The following LHFPL2 variants were observed in gnomAD, a reference collection of about 807,000 sequenced individuals.
LHFPL2 encodes LHFPL tetraspan subfamily member 2, also known as LHFPL tetraspan subfamily member 2 protein.
In LHFPL2, 7 loss-of-function variants were observed where a neutral mutation model predicts 17.5. The observed-to-expected ratio is 0.40, with a 90% CI of 0.23 to 0.75. LHFPL2 has a LOEUF of 0.75. LHFPL2 is among the 30% of genes least tolerant of loss of function. LHFPL2 has a pLI of 0.37. For synonymous variants in LHFPL2, 134 were observed against 116.2 expected (o/e 1.15, Z -0.99); for missense variants, 241 against 294.8 (o/e 0.82, Z 1.34).
intron 2 of LHFPL2, among the ~76,000 whole-genome samples, chr5:78,623,548 A>C (rs993895899): frequency 6.6e-6 from 1 of 152,262 alleles, no homozygotes; most frequent in African/African-American, 2.4e-5. Flanking sequence ...GTGTGCCTTC[A>C]TCCACAGGCA....
At position 78,539,916 on chromosome 5, in the gene LHFPL2, T is replaced by G. The variant is rs188807350; in HGVS notation, c.-186+24897A>C. Among the ~76,000 whole-genome samples, 329 of 152,130 alleles carry G rather than the reference T, an allele frequency of 2.2e-3. 2 individuals carry two copies. The highest frequency in any genetic ancestry group is 7.4e-3 in the African/African-American group (308 of 41,512). On this transcript the variant is annotated intron_variant, in intron 3 of 4. Coordinates refer to ENST00000380345, the MANE Select transcript of LHFPL2 (RefSeq NM_005779.3). Reference sequence around the variant, plus strand: ...CATTCTGGCCACACAAATCTCTCCCTTCTCTGATCTCCCACTGTGCTTGGT... The same window carrying G: ...CATTCTGGCCACACAAATCTCTCCCGTCTCTGATCTCCCACTGTGCTTGGT...
At chr5:78,604,078 T>C (rs1744124870) in intron 2 of LHFPL2, among the ~76,000 whole-genome samples, 1 of 152,144 alleles carries the variant, frequency 6.6e-6, no homozygotes, top group South Asian at 2.1e-4. Context: ...ATGCAGTTAG[T>C]GCAGATACAT....
At chr5:78,588,496 T>A (rs1344258047) in intron 2 of LHFPL2, among the ~76,000 whole-genome samples, 1 of 152,220 alleles carries the variant, frequency 6.6e-6, no homozygotes. Flanking sequence ...CACCTCCATC[T>A]GGGTACCTTA....
At position 78,485,658 on chromosome 5, in the gene LHFPL2, T is replaced by A. The variant is rs1754213294; in HGVS notation, c.*3239A>T. 1 of 152,628 alleles carries A rather than the reference T, an allele frequency of 6.6e-6. No individual in the cohort carries two copies. The highest frequency in any genetic ancestry group is 2.4e-5 in the African/African-American group (1 of 41,442). 9.5% of individuals were successfully genotyped at this position (152,628 alleles called of 1,614,324 possible). On this transcript the variant is annotated 3_prime_UTR_variant, in exon 5 of 5. Transcript: ENST00000380345. ...AGCTAAGGAGGTGTGAGATTAGCCC[T>A]TAAATACTGGTCTAGCATTAGCATG... is the stretch of plus-strand genomic sequence containing the variant.
chr5:78,596,697 C>T (rs1264898144), intron 2 of LHFPL2, among the ~76,000 whole-genome samples: 1 of 152,132 alleles, frequency 6.6e-6, no homozygotes, highest in African/African-American at 2.4e-5. Context: ...CGCCATGGTC[C>T]CAGAACCCAG....
At chr5:78,525,697 T>C (rs1023790911) in intron 3 of LHFPL2, among the ~76,000 whole-genome samples, 10 of 152,106 alleles carry the variant, frequency 6.6e-5, no homozygotes, top group African/African-American at 2.4e-4. Flanking sequence ...AGGAGAAATA[T>C]CCTGACACAA....
At chr5:78,607,447 C>G (rs561629686) in intron 2 of LHFPL2, among the ~76,000 whole-genome samples, 2 of 152,144 alleles carry the variant, frequency 1.3e-5, no homozygotes, top group African/African-American at 4.8e-5. Flanking sequence ...GTTTGTATTT[C>G]GCCATTCTGA....
At chr5:78,500,062 A>G (rs1196292548) in intron 4 of LHFPL2, among the ~76,000 whole-genome samples, 1 of 152,008 alleles carries the variant, frequency 6.6e-6, no homozygotes, top group Non-Finnish European at 1.5e-5. Flanking sequence ...CTGACGACTT[A>G]GTTTTTGCTC....
rs1754294133 is a variant in LHFPL2 at position 78,487,687 on chromosome 5, TGTAAA to T, written c.*1205_*1209del. 1 of 152,248 alleles carries T rather than the reference TGTAAA, an allele frequency of 6.6e-6. No homozygotes were observed. The highest frequency in any genetic ancestry group is 2.4e-5 in the African/African-American group (1 of 41,468). 9.4% of individuals were successfully genotyped at this position (152,248 alleles called of 1,614,324 possible). A position where few individuals can be genotyped will look rare whatever the true frequency, so the allele number is the denominator to read the frequency against. On this transcript the variant is annotated 3_prime_UTR_variant, in exon 5 of 5. Transcript: ENST00000380345. ...ATTCATAGTGGTATTTGATTCTTTT[TGTAAA>T]CAGGTGTAGGCAGTGCTGTGACCTT...
intron 1 of LHFPL2, among the ~76,000 whole-genome samples, chr5:78,645,546 A>G (rs1229909142): frequency 1.9e-4 from 2 of 10,576 alleles, no homozygotes; most frequent in African/African-American, 8.0e-4. Flanking sequence ...AGATGCATAC[A>G]CACACACACA....
Position 78,510,325 on chromosome 5 carries a change from A to T in LHFPL2, c.-112T>A. ...CGGGAAGGAAGTCGCAGCTGCAGTC[A>T]TTCACTCCCGCCGCCGGCCGCGTTC... On this transcript the variant is annotated 5_prime_UTR_variant, in exon 4 of 5. The change abolishes an upstream ATG in the 5' untranslated region. Coordinates refer to ENST00000380345, the MANE Select transcript of LHFPL2 (RefSeq NM_005779.3). The T allele has an allele frequency of 1.9e-6, 2 of 1,068,176 alleles. No homozygotes were observed. The highest frequency in any genetic ancestry group is 2.7e-6 in the Non-Finnish European group (2 of 753,068). The allele number at this position is 1,068,176 out of a possible 1,614,324, so 66.2% of individuals were successfully genotyped here. A position where few individuals can be genotyped will look rare whatever the true frequency, so the allele number is the denominator to read the frequency against.
chr5:78,523,942 C>T (rs1755538883), intron 3 of LHFPL2, among the ~76,000 whole-genome samples: 1 of 151,836 alleles, frequency 6.6e-6, no homozygotes, highest in Non-Finnish European at 1.5e-5. Context: ...AGGGGCTGGG[C>T]AGGGGGCTGA....
At chr5:78,566,468 A>G (rs1187903628) in intron 2 of LHFPL2, among the ~76,000 whole-genome samples, 1 of 146,114 alleles carries the variant, frequency 6.8e-6, no homozygotes, top group African/African-American at 2.4e-5. Flanking sequence ...GGAAACTAAG[A>G]CTTTTTTTTT....
intron 3 of LHFPL2, among the ~76,000 whole-genome samples, chr5:78,558,511 T>C (rs1209657308): frequency 9.0e-6 from 1 of 111,412 alleles, no homozygotes; most frequent in East Asian, 2.7e-4. Context: ...AACAAAACTA[T>C]ACATTTTTCT....
At chr5:78,580,134 G>A (rs1419152444) in intron 2 of LHFPL2, among the ~76,000 whole-genome samples, 1 of 152,114 alleles carries the variant, frequency 6.6e-6, no homozygotes, top group Non-Finnish European at 1.5e-5. Flanking sequence ...TTTTTTGGCT[G>A]CATAAATGTC....
intron 4 of LHFPL2, among the ~76,000 whole-genome samples, chr5:78,507,230 TG>T (rs1233616353): frequency 1.1e-4 from 16 of 151,916 alleles, no homozygotes; most frequent in African/African-American, 3.6e-4. Flanking sequence ...CTTGGGAGGC[TG>T]AGGCAGGAGA....
At chr5:78,553,889 T>G (rs1470592101) in intron 3 of LHFPL2, among the ~76,000 whole-genome samples, 1 of 152,230 alleles carries the variant, frequency 6.6e-6, no homozygotes, top group Non-Finnish European at 1.5e-5. Context: ...CCCTGACAAT[T>G]CAGTTGTCCC....
chr5:78,630,596 C>T (rs1486291386), intron 2 of LHFPL2, among the ~76,000 whole-genome samples: 1 of 151,838 alleles, frequency 6.6e-6, no homozygotes, highest in Admixed American at 6.6e-5. Context: ...TCATTCAATT[C>T]TCCTTCAGGA....
At chr5:78,513,347 C>G (rs893934715) in intron 3 of LHFPL2, among the ~76,000 whole-genome samples, 28 of 152,178 alleles carry the variant, frequency 1.8e-4, no homozygotes, top group African/African-American at 6.8e-4. Context: ...ATATAGTTCC[C>G]TCTCCTTTAT....
Sources: allele counts gnomAD v4.1 joint callset (sites outside exome capture counted in the v4.1 genomes callset), GRCh38; gene constraint gnomAD v4.1.1; transcripts MANE v1.5; gene names NCBI Gene and HGNC (gene_info 2026-07-23, HGNC 2026-07-21).